Variants in ZNF33B observed in about 807,000 individuals in gnomAD.
ZNF33B encodes zinc finger protein 33B, also known as zinc finger protein 11b (KOX 2).
ZNF33B carries 29 observed loss-of-function variants against 45.8 expected under a neutral mutation model. The ratio of observed to expected loss-of-function variants is 0.63; its 90% CI spans 0.47 to 0.86. ZNF33B has a LOEUF of 0.86. Ranked by LOEUF, ZNF33B falls within the 40% of genes least tolerant of loss-of-function variation. The pLI is 0.00. For missense variants in ZNF33B, 831 were observed against 909.9 expected (o/e 0.91, Z 1.12); for synonymous variants, 305 against 307.8 (o/e 0.99, Z 0.10).
At chr10:42,615,873 C>T (rs1335587594) in intron 4 of ZNF33B, among the ~76,000 whole-genome samples, 2 of 151,326 alleles carry the variant, frequency 1.3e-5, no homozygotes, top group African/African-American at 2.4e-5. Flanking sequence ...TGCAGTGAGC[C>T]GAGATCACGC....
At chr10:42,617,084 T>TTCTC in intron 4 of ZNF33B, among the ~76,000 whole-genome samples, 1 of 140,264 alleles carries the variant, frequency 7.1e-6, no homozygotes, top group Non-Finnish European at 1.5e-5. Flanking sequence ...AAATTGTTCA[T>TTCTC]TTTTTCTCTT....
intron 4 of ZNF33B, among the ~76,000 whole-genome samples, chr10:42,617,463 C>T (rs1018813869): frequency 1.6e-4 from 24 of 152,070 alleles, no homozygotes; most frequent in Non-Finnish European, 3.2e-4. Context: ...TTCTGTATAC[C>T]CCTCACCCAG....
chr10:42,586,255 G>A (rs543088119), downstream of ZNF33B, among the ~76,000 whole-genome samples: 23 of 141,794 alleles, frequency 1.6e-4, no homozygotes, highest in South Asian at 1.4e-3. Context: ...CCAGGTTCAC[G>A]CCATTCTCCT....
At chr10:42,611,563 C>A (rs1384593657) in intron 4 of ZNF33B, among the ~76,000 whole-genome samples, 1 of 151,946 alleles carries the variant, frequency 6.6e-6, no homozygotes, top group East Asian at 1.9e-4. Flanking sequence ...AGATAAAGTA[C>A]CAAAAATACA....
chr10:42,593,933 C>T lies in ZNF33B; in HGVS notation c.1017G>A (p.Trp339Ter). ...GATGTCGAGTGAGATGTGACTTCTCCCAGAAAGCTTTCCCACATTCATTAC... is the reference window on the plus strand; with the variant it reads ...GATGTCGAGTGAGATGTGACTTCTCTCAGAAAGCTTTCCCACATTCATTAC... ...FECNECGKAFWEKSHLTRHQR... is the reference protein window; with the variant it reads ...FECNECGKAF The change falls in exon 5 of 5, where the codon TGG (tryptophan) becomes TGA (stop). Residue 339 changes from tryptophan to a stop codon, truncating the protein, a stop_gained. Coordinates refer to ENST00000359467, the MANE Select transcript of ZNF33B (RefSeq NM_006955.3). LOFTEE classifies it low-confidence loss of function (END_TRUNC). 6.2e-7 allele frequency: 1 copy of T among 1,613,986 alleles called. No homozygotes were observed.
intron 4 of ZNF33B, among the ~76,000 whole-genome samples, chr10:42,603,960 G>A (rs1174680789): frequency 6.6e-6 from 1 of 152,200 alleles, no homozygotes. Flanking sequence ...AAGCCCTAGA[G>A]AGAATAGAGG....
rs139174216 is a variant in ZNF33B at position 42,620,282 on chromosome 10, G to A, written c.250+11647C>T. Among the ~76,000 whole-genome samples, 407 of 151,454 alleles carry A rather than the reference G, an allele frequency of 2.7e-3. 2 individuals are homozygous for A. The highest frequency in any genetic ancestry group is 9.5e-3 in the African/African-American group (392 of 41,262). Reference sequence around the variant, plus strand: ...TAAAGGGAATATGGGACCAAAGAAGGTATACAATATACAGAAAACAAAATG... The same window carrying A: ...TAAAGGGAATATGGGACCAAAGAAGATATACAATATACAGAAAACAAAATG... On this transcript the variant is annotated intron_variant, in intron 4 of 4. Coordinates refer to ENST00000359467, the MANE Select transcript of ZNF33B (RefSeq NM_006955.3).
At chr10:42,612,990 A>C (rs1000757604) in intron 4 of ZNF33B, among the ~76,000 whole-genome samples, 2 of 152,206 alleles carry the variant, frequency 1.3e-5, no homozygotes, top group Non-Finnish European at 2.9e-5. Flanking sequence ...GTTAAGAAGA[A>C]GCCAGGAATA....
chr10:42,634,926 G>A (rs1839218894), intron 2 of ZNF33B, among the ~76,000 whole-genome samples: 1 of 152,216 alleles, frequency 6.6e-6, no homozygotes, highest in African/African-American at 2.4e-5. Flanking sequence ...TCTAGGGATT[G>A]GTAAACTTTT....
At chr10:42,600,128 T>C (rs1837558068) in intron 4 of ZNF33B, among the ~76,000 whole-genome samples, 1 of 152,142 alleles carries the variant, frequency 6.6e-6, no homozygotes, top group South Asian at 2.1e-4. Flanking sequence ...TTTGTTAATA[T>C]ATTCGTTCAT....
Position 42,632,355 on chromosome 10 carries a change from T to C in ZNF33B, c.94A>G (p.Ser32Gly), listed in dbSNP as rs1157478682. Residue 32 changes from serine (S) to glycine (G), a missense_variant, in exon 3 of 5, where the codon AGT (serine) becomes GGT (glycine). Ser to Gly is a moderately conservative substitution (Grantham distance 56). Coordinates refer to ENST00000359467, the MANE Select transcript of ZNF33B (RefSeq NM_006955.3). Reference protein sequence around the residue: ...TQEEWQHLDPSQRALYRDVML... With the variant: ...TQEEWQHLDPGQRALYRDVML... The stretch of plus-strand genomic sequence containing the variant: ...ACATCTCTATACAGAGCCCTCTGAC[T>C]AGGGTCCAGGTGCTGCCACTCCTCC... 1.9e-6 allele frequency: 3 copies of C among 1,613,828 alleles called. No homozygotes were observed. The highest frequency in any genetic ancestry group is 2.5e-6 in the Non-Finnish European group (3 of 1,179,942).
intron 4 of ZNF33B, among the ~76,000 whole-genome samples, chr10:42,603,242 T>C (rs956165031): frequency 1.3e-5 from 2 of 152,180 alleles, no homozygotes; most frequent in African/African-American, 4.8e-5. Context: ...GACTCTCACC[T>C]AGGGCCAGCT....
intron 2 of ZNF33B, among the ~76,000 whole-genome samples, chr10:42,634,753 T>A (rs1839212462): frequency 6.6e-6 from 1 of 152,220 alleles, no homozygotes; most frequent in Non-Finnish European, 1.5e-5. Flanking sequence ...GACATCCACC[T>A]CATACAAAAG....
intron 4 of ZNF33B, among the ~76,000 whole-genome samples, chr10:42,613,909 T>C (rs1033951043): frequency 2.4e-4 from 37 of 152,130 alleles, no homozygotes; most frequent in African/African-American, 8.5e-4. Context: ...GTGACTGATT[T>C]CAGAAAGGAA....
Position 42,610,978 on chromosome 10 carries a change from CATAA to C in ZNF33B, c.251-16283_251-16280del, listed in dbSNP as rs1215365986. Among the ~76,000 whole-genome samples the C allele has an allele frequency of 4.6e-5, 7 of 152,250 alleles. No individual in the cohort carries two copies. In the South Asian group the frequency reaches 1.0e-3, roughly 23 times the overall value. On this transcript the variant is annotated intron_variant, in intron 4 of 4. Coordinates refer to ENST00000359467, the MANE Select transcript of ZNF33B (RefSeq NM_006955.3). ...AACATGTGAAATAAAATTGAGAATT[CATAA>C]ATAAACACTACAATATATTATGTTC...
rs1313003332 is a variant in ZNF33B at position 42,632,008 on chromosome 10, T to C, written c.171A>G (p.Lys57=). ...GTTCCAGCCTGAAGATCACCTCTGG[T>C]TTGTGAGCACAATACCCTGTTAACA... ...NLVSVGYCAH[K]PEVIFRLEQG... Residue 57 remains lysine, a synonymous_variant, in exon 4 of 5, where the codon AAA becomes AAG. Coordinates refer to ENST00000359467, the MANE Select transcript of ZNF33B (RefSeq NM_006955.3). 10 of 1,614,004 alleles carry C rather than the reference T, an allele frequency of 6.2e-6. No individual in the cohort carries two copies. Among genetic ancestry groups the C allele is most frequent in the Non-Finnish European group, 7.6e-6 (9 of 1,180,032 alleles).
intron 4 of ZNF33B, among the ~76,000 whole-genome samples, chr10:42,606,975 G>A (rs1298246057): frequency 1.3e-5 from 2 of 152,000 alleles, no homozygotes; most frequent in Non-Finnish European, 2.9e-5. Context: ...AATCTGAAAT[G>A]CTCCAACAAG....
intron 4 of ZNF33B, among the ~76,000 whole-genome samples, chr10:42,621,639 T>C (rs1289015877): frequency 1.3e-5 from 2 of 152,068 alleles, no homozygotes; most frequent in Non-Finnish European, 2.9e-5. Flanking sequence ...GTAAAGGCAG[T>C]TGACAAAATC....
intron 4 of ZNF33B, among the ~76,000 whole-genome samples, chr10:42,615,588 A>C (rs1838278957): frequency 6.6e-6 from 1 of 152,166 alleles, no homozygotes; most frequent in Admixed American, 6.6e-5. Context: ...AGTAATTGCT[A>C]ATGGATATTG....
Sources: gnomAD v4.1 joint callset for allele counts (sites outside exome capture counted in the v4.1 genomes callset) on GRCh38, gnomAD v4.1.1 for gene constraint, MANE v1.5 for transcripts, NCBI Gene and HGNC (gene_info 2026-07-23, HGNC 2026-07-21) for gene names.